MAN1A1: variants seen among roughly 807,000 people sequenced by gnomAD.
MAN1A1 encodes mannosidase alpha class 1A member 1.
In MAN1A1, 29 loss-of-function variants were observed where a neutral mutation model predicts 70.8. That is an observed-to-expected ratio of 0.41 (90% CI 0.31 to 0.56). The LOEUF (loss-of-function observed/expected upper bound fraction) is 0.56, where lower values mean the gene tolerates loss of function less well. Ranked by LOEUF, MAN1A1 falls within the 20% of genes least tolerant of loss-of-function variation. MAN1A1 has a pLI of 0.29. For missense variants in MAN1A1, 747 were observed against 841.3 expected (o/e 0.89, Z 1.39); for synonymous variants, 349 against 330.1 (o/e 1.06, Z -0.62).
intron 6 of MAN1A1, among the ~76,000 whole-genome samples, chr6:119,206,753 C>T (rs1222917591): frequency 6.6e-6 from 1 of 152,204 alleles, no homozygotes; most frequent in Non-Finnish European, 1.5e-5. Flanking sequence ...GTTGTCATGA[C>T]ATATCACTGT....
intron 2 of MAN1A1, among the ~76,000 whole-genome samples, chr6:119,336,346 G>GTGTGAGCCACC (rs1401833475): frequency 6.6e-6 from 1 of 152,166 alleles, no homozygotes; most frequent in Non-Finnish European, 1.5e-5. Flanking sequence ...GGGATTACAG[G>GTGTGAGCCACC]TGTGAGCCAC....
intron 11 of MAN1A1, among the ~76,000 whole-genome samples, chr6:119,180,874 T>TA (rs140906183): frequency 0.022 from 3,358 of 151,358 alleles, 110 homozygotes; most frequent in African/African-American, 0.077. Flanking sequence ...GAGTTTTAGG[T>TA]AAAAAAAAAT....
At chr6:119,276,023 A>C (rs1776053867) in intron 5 of MAN1A1, among the ~76,000 whole-genome samples, 1 of 152,208 alleles carries the variant, frequency 6.6e-6, no homozygotes, top group South Asian at 2.1e-4. Flanking sequence ...AAACCATAAA[A>C]AAAGTTTTAT....
At chr6:119,205,406 C>T (rs113508199) in intron 6 of MAN1A1, among the ~76,000 whole-genome samples, 1 of 152,216 alleles carries the variant, frequency 6.6e-6, no homozygotes, top group Non-Finnish European at 1.5e-5. Flanking sequence ...TCCTTTCTTA[C>T]GTGTATCTTC....
chr6:119,328,918 A>C (rs1191217340), intron 2 of MAN1A1, among the ~76,000 whole-genome samples: 1 of 152,258 alleles, frequency 6.6e-6, no homozygotes, highest in Non-Finnish European at 1.5e-5. Flanking sequence ...AAAACCTTCC[A>C]TAATGAATAT....
intron 5 of MAN1A1, among the ~76,000 whole-genome samples, chr6:119,278,537 C>A (rs1298666485): frequency 1.3e-5 from 2 of 152,074 alleles, no homozygotes; most frequent in Non-Finnish European, 2.9e-5. Flanking sequence ...AAGATCACTT[C>A]ACCGGTACTT....
At chr6:119,252,318 A>G (rs1775339112) in intron 5 of MAN1A1, among the ~76,000 whole-genome samples, 1 of 152,208 alleles carries the variant, frequency 6.6e-6, no homozygotes, top group Non-Finnish European at 1.5e-5. Context: ...TTTTTTCCTA[A>G]TGAATTATTG....
chr6:119,215,527 A>T (rs1361923551), intron 6 of MAN1A1, among the ~76,000 whole-genome samples: 1 of 152,232 alleles, frequency 6.6e-6, no homozygotes, highest in Non-Finnish European at 1.5e-5. Flanking sequence ...CTAATACCAG[A>T]CTTTTCCAGA....
At chr6:119,293,943 A>G (rs1193532976) in intron 4 of MAN1A1, among the ~76,000 whole-genome samples, 1 of 152,070 alleles carries the variant, frequency 6.6e-6, no homozygotes, top group Non-Finnish European at 1.5e-5. Flanking sequence ...GAATTCCTCC[A>G]TGATGTAAAG....
chr6:119,257,768 C>T (rs994782155), intron 5 of MAN1A1, among the ~76,000 whole-genome samples: 3 of 151,892 alleles, frequency 2.0e-5, no homozygotes, highest in African/African-American at 7.3e-5. Context: ...CTTAAGTGTA[C>T]CACATGTGTT....
intron 2 of MAN1A1, chr6:119,327,144 C>T (rs963641403): frequency 6.6e-6 from 1 of 151,950 alleles, no homozygotes; most frequent in Non-Finnish European, 1.5e-5. Flanking sequence ...CCAGGTGGGC[C>T]CAATCTAATA....
intron 8 of MAN1A1, among the ~76,000 whole-genome samples, chr6:119,196,415 T>G (rs916104822): frequency 2.0e-5 from 3 of 151,876 alleles, no homozygotes; most frequent in Non-Finnish European, 2.9e-5. Flanking sequence ...CCTTCAGGCC[T>G]GGATGGCTGT....
At chr6:119,282,516 A>G (rs1776249347) in intron 5 of MAN1A1, among the ~76,000 whole-genome samples, 1 of 152,230 alleles carries the variant, frequency 6.6e-6, no homozygotes, top group South Asian at 2.1e-4. Context: ...TCAATGTGTA[A>G]CAGCTATAAC....
At chr6:119,260,976 G>GCTTTTTTTTTTTTTTTTTT (rs1554209499) in intron 5 of MAN1A1, among the ~76,000 whole-genome samples, 3 of 116,954 alleles carry the variant, frequency 2.6e-5, no homozygotes, top group Non-Finnish European at 3.4e-5. Context: ...TTTTTTTATT[G>GCTTTTTTTTTTTTTTTTTT]TTTTTTTTTT....
At chr6:119,239,711 C>A (rs1478611649) in intron 6 of MAN1A1, among the ~76,000 whole-genome samples, 1 of 152,160 alleles carries the variant, frequency 6.6e-6, no homozygotes, top group African/African-American at 2.4e-5. Context: ...CCCACAATAA[C>A]AACGTAAGAC....
At chr6:119,203,093 A>G (rs1045041829) in intron 7 of MAN1A1, among the ~76,000 whole-genome samples, 1 of 152,178 alleles carries the variant, frequency 6.6e-6, no homozygotes, top group Non-Finnish European at 1.5e-5. Flanking sequence ...AGAGGCTCAG[A>G]ATAAAACCTA....
At chr6:119,278,576 T>C (rs1453711670) in intron 5 of MAN1A1, among the ~76,000 whole-genome samples, 1 of 152,132 alleles carries the variant, frequency 6.6e-6, no homozygotes, top group Non-Finnish European at 1.5e-5. Context: ...AATTTTTACA[T>C]CTTATTATTT....
chr6:119,297,601 A>C (rs1772250746), intron 4 of MAN1A1, among the ~76,000 whole-genome samples: 1 of 152,044 alleles, frequency 6.6e-6, no homozygotes, highest in Admixed American at 6.6e-5. Context: ...TTAACCACCT[A>C]TTCATCTATA....
In MAN1A1 at chr6:119,330,558, A is replaced by C. The variant is rs555766332; in HGVS notation, c.603+17905T>G. ...CCTTCTAACACATGTCCTGGACTCC[A>C]GTCTTATCCAAAAATGCAGATTTGA... is the stretch of plus-strand genomic sequence containing the variant. On this transcript the variant is annotated intron_variant, in intron 2 of 12. Transcript: ENST00000368468. 4.6e-5 allele frequency among the ~76,000 whole-genome samples: 7 copies of C among 152,248 alleles called. No individual in the cohort carries two copies. In the South Asian group the frequency reaches 1.5e-3, roughly 32 times the overall value.
Sources: gnomAD v4.1 joint callset for allele counts (sites outside exome capture counted in the v4.1 genomes callset) on GRCh38, gnomAD v4.1.1 for gene constraint, MANE v1.5 for transcripts, NCBI Gene and HGNC (gene_info 2026-07-23, HGNC 2026-07-21) for gene names.